Variants in VPS13B observed in about 807,000 individuals in gnomAD.
VPS13B encodes vacuolar protein sorting 13 homolog B, also known as intermembrane lipid transfer protein VPS13B.
A neutral mutation model predicts 426.4 loss-of-function variants in VPS13B; 285 were observed. The ratio of observed to expected loss-of-function variants is 0.67; its 90% CI spans 0.61 to 0.74. The LOEUF (loss-of-function observed/expected upper bound fraction) is 0.74, where lower values mean the gene tolerates loss of function less well. Ranked by LOEUF, VPS13B falls within the 30% of genes least tolerant of loss-of-function variation. VPS13B has a pLI of 0.00. For missense variants in VPS13B, 4,537 were observed against 4,782.6 expected (o/e 0.95, Z 1.51); for synonymous variants, 1,676 against 1,676.4 (o/e 1.00, Z 0.01).
intron 35 of VPS13B, among the ~76,000 whole-genome samples, chr8:99,675,257 A>G (rs902259260): frequency 5.9e-5 from 9 of 152,120 alleles, no homozygotes; most frequent in Admixed American, 4.6e-4. Context: ...CTCTTTGAAT[A>G]TATCATCCCA....
Position 99,606,412 on chromosome 8 carries a change from C to T in VPS13B, c.5220+28779C>T, listed in dbSNP as rs568316117. On this transcript the variant is annotated intron_variant, in intron 33 of 61. Coordinates refer to ENST00000357162, the MANE Select transcript of VPS13B (RefSeq NM_152564.5). ...TCTGGATATCAAGCCAGATGTCAGT[C>T]CCATGTGCTCTGGAGGCTAAGGCTG... Among the ~76,000 whole-genome samples, 8 of 151,170 alleles carry T rather than the reference C, an allele frequency of 5.3e-5. No individual in the cohort carries two copies. In the East Asian group the frequency reaches 1.6e-3, roughly 30 times the overall value.
intron 36 of VPS13B, among the ~76,000 whole-genome samples, chr8:99,708,031 T>G (rs537094859): frequency 6.6e-6 from 1 of 152,316 alleles, no homozygotes; most frequent in South Asian, 2.1e-4. Context: ...AATTGATTCT[T>G]CAGCAGTTTC....
intron 54 of VPS13B, among the ~76,000 whole-genome samples, chr8:99,838,573 C>T (rs1815513188): frequency 6.6e-6 from 1 of 152,358 alleles, no homozygotes; most frequent in Non-Finnish European, 1.5e-5. Context: ...ATATGCCAGA[C>T]ATTATAACTT....
chr8:99,191,414 GTC>G (rs1379599847), intron 16 of VPS13B, among the ~76,000 whole-genome samples: 4 of 107,230 alleles, frequency 3.7e-5, no homozygotes, highest in Non-Finnish European at 6.9e-5. Flanking sequence ...GACGGAGTCT[GTC>G]TCTGTCGCCC....
At chr8:99,385,369 T>C (rs1814058623) in intron 20 of VPS13B, among the ~76,000 whole-genome samples, 1 of 152,208 alleles carries the variant, frequency 6.6e-6, no homozygotes, top group Non-Finnish European at 1.5e-5. Context: ...ATCGTTTTTC[T>C]GAAGTAACTT....
At chr8:99,318,255 G>T (rs997626303) in intron 19 of VPS13B, among the ~76,000 whole-genome samples, 2 of 152,192 alleles carry the variant, frequency 1.3e-5, no homozygotes, top group African/African-American at 4.8e-5. Flanking sequence ...TACTGATATT[G>T]AATAACAATG....
At chr8:99,622,477 A>G (rs1828403968) in intron 33 of VPS13B, among the ~76,000 whole-genome samples, 1 of 152,200 alleles carries the variant, frequency 6.6e-6, no homozygotes. Context: ...ATTTCCAACT[A>G]CCCCAGTGAG....
chr8:99,660,915 CAG>C (rs1830195814), intron 34 of VPS13B, among the ~76,000 whole-genome samples: 1 of 152,006 alleles, frequency 6.6e-6, no homozygotes, highest in Non-Finnish European at 1.5e-5. Flanking sequence ...ACTCTTAAAA[CAG>C]ATCAAATAGC....
At chr8:99,375,926 G>A (rs546852173) in intron 19 of VPS13B, among the ~76,000 whole-genome samples, 3 of 152,310 alleles carry the variant, frequency 2.0e-5, no homozygotes, top group East Asian at 3.9e-4. Flanking sequence ...TTATAGGACA[G>A]TCTCATTGGC....
At chr8:99,764,908 A>T (rs1811134165) in intron 39 of VPS13B, among the ~76,000 whole-genome samples, 1 of 152,222 alleles carries the variant, frequency 6.6e-6, no homozygotes, top group South Asian at 2.1e-4. Flanking sequence ...TGTGCTTTGG[A>T]ATCTCTGTAA....
intron 31 of VPS13B, among the ~76,000 whole-genome samples, chr8:99,562,270 C>CG (rs993323608): frequency 2.0e-5 from 3 of 146,910 alleles, no homozygotes; most frequent in African/African-American, 7.8e-5. Context: ...TTGTCTTTTG[C>CG]CCCCCCCATC....
intron 19 of VPS13B, among the ~76,000 whole-genome samples, chr8:99,335,624 C>T (rs906725350): frequency 1.3e-5 from 2 of 152,078 alleles, no homozygotes; most frequent in African/African-American, 4.8e-5. Flanking sequence ...CCCATTGTCT[C>T]AGCCCAAAAT....
intron 35 of VPS13B, among the ~76,000 whole-genome samples, chr8:99,664,303 C>T (rs958973276): frequency 2.0e-5 from 3 of 149,646 alleles, no homozygotes; most frequent in Non-Finnish European, 3.0e-5. Flanking sequence ...CCGTGCCCAG[C>T]CAGAAATGTA....
chr8:99,421,113 G>A (rs1341630415), intron 21 of VPS13B, among the ~76,000 whole-genome samples: 1 of 152,098 alleles, frequency 6.6e-6, no homozygotes, highest in Admixed American at 6.6e-5. Context: ...TTAATCATGT[G>A]TCTTGTGGCA....
intron 17 of VPS13B, among the ~76,000 whole-genome samples, chr8:99,196,467 GT>G (rs527809837): frequency 0.011 from 1,421 of 127,164 alleles, 9 homozygotes; most frequent in African/African-American, 0.026. Context: ...GTCTTTAGGG[GT>G]TTTTTTTTTT....
At chr8:99,479,645 A>G (rs577388267) in intron 24 of VPS13B, among the ~76,000 whole-genome samples, 2 of 152,144 alleles carry the variant, frequency 1.3e-5, no homozygotes. Context: ...GTCATTATAG[A>G]CTAATTTTTG....
At chr8:99,034,464 C>A (rs10955197) in intron 2 of VPS13B, among the ~76,000 whole-genome samples, 124,951 of 151,202 alleles carry the variant, frequency 0.83, 52,138 homozygotes, top group South Asian at 0.89. Context: ...ATGGTTAACT[C>A]GAAATGAGTA....
intron 43 of VPS13B, among the ~76,000 whole-genome samples, chr8:99,790,759 G>C (rs1183856472): frequency 6.6e-6 from 1 of 152,200 alleles, no homozygotes; most frequent in Non-Finnish European, 1.5e-5. Context: ...CTTGGAGTTA[G>C]CTAGGCCAGT....
At chr8:99,413,820 A>G (rs1279008761) in intron 21 of VPS13B, among the ~76,000 whole-genome samples, 1 of 152,076 alleles carries the variant, frequency 6.6e-6, no homozygotes, top group African/African-American at 2.4e-5. Context: ...ATTCTTTTGC[A>G]TTTGCTGAGG....
Sources: allele counts gnomAD v4.1 joint callset (sites outside exome capture counted in the v4.1 genomes callset), GRCh38; gene constraint gnomAD v4.1.1; transcripts MANE v1.5; gene names NCBI Gene and HGNC (gene_info 2026-07-23, HGNC 2026-07-21).